Variants in NUP50 observed in about 807,000 individuals in gnomAD.
NUP50 encodes nuclear pore complex protein Nup50.
In NUP50, 14 loss-of-function variants were observed where a neutral mutation model predicts 36.8. The ratio of observed to expected loss-of-function variants is 0.38; its 90% CI spans 0.25 to 0.59. The LOEUF is 0.59. NUP50 is among the 20% of genes least tolerant of loss of function. The pLI is 0.63. For synonymous variants in NUP50, 195 were observed against 210.8 expected (o/e 0.93, Z 0.65); for missense variants, 455 against 564.6 (o/e 0.81, Z 1.97).
chr22:45,168,730 G>T (rs937865196), intron 2 of NUP50, among the ~76,000 whole-genome samples: 5 of 151,900 alleles, frequency 3.3e-5, no homozygotes, highest in Non-Finnish European at 7.4e-5. Context: ...TTTTCTTAAT[G>T]GTAGACCTGA....
At chr22:45,181,197 G>A in intron 5 of NUP50, 89 bp from the exon 6 acceptor site, 1 of 757,852 alleles carries the variant, frequency 1.3e-6, no homozygotes, top group East Asian at 3.3e-5. Context: ...TGCTCCGGTG[G>A]AGGTTTAGGG....
chr22:45,182,883 CAAAGTGCTGGGATACAGGCG>C (rs1201958534), intron 6 of NUP50, among the ~76,000 whole-genome samples: 1 of 151,730 alleles, frequency 6.6e-6, no homozygotes, highest in Non-Finnish European at 1.5e-5. Context: ...CTCGGCCTCC[CAAAGTGCTGGGATACAGGCG>C]TGAGCCACCG....
chr22:45,168,545 G>A (rs1412540869), intron 2 of NUP50, among the ~76,000 whole-genome samples: 1 of 152,140 alleles, frequency 6.6e-6, no homozygotes, highest in Non-Finnish European at 1.5e-5. Context: ...TCGTATACTT[G>A]AAGCATTCTG....
At chr22:45,177,130 AG>A (rs1337024958) in intron 4 of NUP50, among the ~76,000 whole-genome samples, 1 of 152,174 alleles carries the variant, frequency 6.6e-6, no homozygotes, top group African/African-American at 2.4e-5. Flanking sequence ...TAGTCAGACC[AG>A]CATAACTCTT....
intron 3 of NUP50, among the ~76,000 whole-genome samples, chr22:45,175,626 C>T (rs9626648): frequency 0.02 from 3,054 of 152,200 alleles, 103 homozygotes; most frequent in African/African-American, 0.07. Flanking sequence ...GTCTTTCTTA[C>T]CTTTTATGTC....
chr22:45,174,331 C>G, intron 3 of NUP50, among the ~76,000 whole-genome samples: 1 of 152,062 alleles, frequency 6.6e-6, no homozygotes, highest in Middle Eastern at 3.2e-3. Context: ...GCATGCGCCA[C>G]CACACCCAGC....
chr22:45,177,553 A>G (rs2074295556), intron 4 of NUP50: 2 of 152,314 alleles, frequency 1.3e-5, no homozygotes, highest in South Asian at 2.1e-4. Context: ...GTTCATCCCA[A>G]CAACCTTGGG....
At chr22:45,177,539 T>C (rs2074295353) in intron 4 of NUP50, among the ~76,000 whole-genome samples, 1 of 152,152 alleles carries the variant, frequency 6.6e-6, no homozygotes, top group South Asian at 2.1e-4. Context: ...TGTACTTTAA[T>C]ACTGTTCATC....
At position 45,187,888 on chromosome 22, in the gene NUP50, T is replaced by C. The variant is rs2083466783; in HGVS notation, c.*3233T>C. 6.5e-6 allele frequency: 1 copy of C among 152,690 alleles called. No individual in the cohort carries two copies. The highest frequency in any genetic ancestry group is 2.4e-5 in the African/African-American group (1 of 41,474). The allele number at this position is 152,690 out of a possible 1,614,324, so 9.5% of individuals were successfully genotyped here. A position where few individuals can be genotyped will look rare whatever the true frequency, so the allele number is the denominator to read the frequency against. On this transcript the variant is annotated 3_prime_UTR_variant, in exon 8 of 8. Coordinates refer to ENST00000347635, the MANE Select transcript of NUP50 (RefSeq NM_007172.4). ...GCTTTTTACTTTAAATAGGAAATTG[T>C]TTTCTAAAACTAAAATACTTGAATT...
rs1381908401 is a variant in NUP50, at chr22:45,186,044, T to C, written c.*1389T>C. 1.3e-5 allele frequency: 2 copies of C among 152,250 alleles called. No homozygotes were observed. Among genetic ancestry groups the C allele is most frequent in the Non-Finnish European group, 2.9e-5 (2 of 68,052 alleles). 9.4% of individuals were successfully genotyped at this position (152,250 alleles called of 1,614,324 possible). On this transcript the variant is annotated 3_prime_UTR_variant, in exon 8 of 8. Transcript: ENST00000347635. ...AGTGGCTTTTTAAAACTACAGTCTTTAGGTGTAAGGTTTGGCGCCGGGAGC... is the reference window on the plus strand; with the variant it reads ...AGTGGCTTTTTAAAACTACAGTCTTCAGGTGTAAGGTTTGGCGCCGGGAGC...
chr22:45,180,140 A>G (rs985912968), intron 5 of NUP50: 4 of 152,192 alleles, frequency 2.6e-5, no homozygotes, highest in African/African-American at 9.7e-5. Flanking sequence ...TGAGGCAGGC[A>G]CTGGGGATTT....
intron 1 of NUP50, among the ~76,000 whole-genome samples, chr22:45,167,847 C>G (rs893174812): frequency 6.6e-6 from 1 of 152,184 alleles, no homozygotes; most frequent in Non-Finnish European, 1.5e-5. Context: ...TACAGTACTT[C>G]AGATTCCAGA....
In NUP50 at chr22:45,178,920, T is replaced by C; in HGVS notation, c.1003+20T>C. ...GCAAAGGTAAGTACCAGCTTTGTCG[T>C]TGAGTCGAGGTTTGCATAAGATTCT... On this transcript the variant is annotated intron_variant, in intron 5 of 7. Coordinates refer to ENST00000347635, the MANE Select transcript of NUP50 (RefSeq NM_007172.4). The C allele has an allele frequency of 6.3e-7, 1 of 1,585,924 alleles. No individual in the cohort carries two copies. The highest frequency in any genetic ancestry group is 8.6e-7 in the Non-Finnish European group (1 of 1,166,928).
chr22:45,186,548 C>T lies in NUP50; in HGVS notation c.*1893C>T, dbSNP rs1029552520. 6.6e-6 allele frequency: 1 copy of T among 152,536 alleles called. No homozygotes were observed. Among genetic ancestry groups the T allele is most frequent in the South Asian group, 2.1e-4 (1 of 4,832 alleles). The allele number at this position is 152,536 out of a possible 1,614,324, so 9.4% of individuals were successfully genotyped here. On this transcript the variant is annotated 3_prime_UTR_variant, in exon 8 of 8. Coordinates refer to ENST00000347635, the MANE Select transcript of NUP50 (RefSeq NM_007172.4). The stretch of plus-strand genomic sequence containing the variant: ...ACACTTCAGTGTATATGACACAGTA[C>T]TTTGTTAGCGTCTGCGTGTGTATGG...
intron 2 of NUP50, 69 bp downstream of exon 2, chr22:45,168,315 C>T: frequency 8.1e-7 from 1 of 1,237,854 alleles, no homozygotes; most frequent in Non-Finnish European, 1.2e-6. Context: ...TGGGGTTCCT[C>T]ATGAAGACTT....
Position 45,171,590 on chromosome 22 carries a change from T to C in NUP50, c.70-10T>C, listed in dbSNP as rs926289556. 11 of 1,611,452 alleles carry C rather than the reference T, an allele frequency of 6.8e-6. No individual in the cohort carries two copies. Among genetic ancestry groups the C allele is most frequent in the South Asian group, 3.3e-5 (3 of 91,038 alleles). The stretch of plus-strand genomic sequence containing the variant: ...TATCTTACTGCTGCTTAATTTGTAT[T>C]GTATTGCAGGTGGGAACATTCTCCA... On this transcript the variant is annotated splice_polypyrimidine_tract_variant and intron_variant, in intron 2 of 7. Transcript: ENST00000347635.
Position 45,184,836 on chromosome 22 carries a change from C to T in NUP50, c.*181C>T. On this transcript the variant is annotated 3_prime_UTR_variant, in exon 8 of 8. Transcript: ENST00000347635. ...AAATGTTAAGTGTCAAGAAACTGCA[C>T]TCTCCCTTCTTAAGAACTGCCTAAA... 1.6e-6 allele frequency: 1 copy of T among 615,894 alleles called. No individual in the cohort carries two copies. The highest frequency in any genetic ancestry group is 2.9e-6 in the Non-Finnish European group (1 of 340,418). 38.2% of individuals were successfully genotyped at this position (615,894 alleles called of 1,614,324 possible). A position where few individuals can be genotyped will look rare whatever the true frequency, so the allele number is the denominator to read the frequency against.
chr22:45,166,947 A>T (rs2074104065), intron 1 of NUP50, among the ~76,000 whole-genome samples: 1 of 152,196 alleles, frequency 6.6e-6, no homozygotes, highest in Admixed American at 6.5e-5. Flanking sequence ...ATGTATTAAA[A>T]GCTGACAGCC....
chr22:45,176,105 G>GC, intron 4 of NUP50, 25 bp downstream of exon 4: 1 of 1,608,568 alleles, frequency 6.2e-7, no homozygotes, highest in Non-Finnish European at 8.5e-7. Flanking sequence ...TCCCCCAGCC[G>GC]CCTGTGTAAG....
Sources: allele counts gnomAD v4.1 joint callset (sites outside exome capture counted in the v4.1 genomes callset), GRCh38; gene constraint gnomAD v4.1.1; transcripts MANE v1.5; gene names NCBI Gene and HGNC (gene_info 2026-07-23, HGNC 2026-07-21).